Variants in GADL1 observed in about 807,000 individuals in gnomAD.
The protein encoded by GADL1 is GAD like acidic amino acid decarboxylase 1.
In GADL1, 71 loss-of-function variants were observed where a neutral mutation model predicts 69.5. The observed-to-expected ratio is 1.02, with a 90% CI of 0.84 to 1.25. The LOEUF (loss-of-function observed/expected upper bound fraction) is 1.25. Among genes scored for constraint, GADL1 ranks in the 50% most tolerant of loss-of-function variants. The probability of loss-of-function intolerance (pLI) is 0.00; values close to 1 mark genes in which losing one functional copy is unlikely to be tolerated. For missense variants in GADL1, 737 were observed against 631.8 expected, an observed-to-expected ratio of 1.17 and a Z score of -1.79; for synonymous variants, 254 against 214.4, an observed-to-expected ratio of 1.18 and a Z score of -1.62.
intron 11 of GADL1, among the ~76,000 whole-genome samples, chr3:30,808,950 C>T (rs1346320440): frequency 6.6e-6 from 1 of 152,156 alleles, no homozygotes; most frequent in Non-Finnish European, 1.5e-5. Flanking sequence ...TCTGTGTAAC[C>T]TCTGTTTTCC....
At chr3:30,833,356 G>T (rs918662683) in intron 11 of GADL1, among the ~76,000 whole-genome samples, 1 of 152,080 alleles carries the variant, frequency 6.6e-6, no homozygotes, top group Non-Finnish European at 1.5e-5. Flanking sequence ...CACTTGGGAT[G>T]AGCAATCCCC....
chr3:30,850,368 A>G (rs1698130906), intron 5 of GADL1, among the ~76,000 whole-genome samples: 1 of 152,080 alleles, frequency 6.6e-6, no homozygotes, highest in South Asian at 2.1e-4. Context: ...TTTCAAACCA[A>G]AAGTCTCAAT....
rs546368370 is a variant in GADL1, at chr3:30,838,057, T to C, written c.903+940A>G. 3.9e-5 allele frequency among the ~76,000 whole-genome samples: 6 copies of C among 152,228 alleles called. No individual in the cohort carries two copies. In the East Asian group the frequency reaches 9.7e-4, roughly 25 times the overall value. ...TAAACACTTTGAAAGCATAAAATCA[T>C]CTAAACTACAAAATTATGTGGGTAT... On this transcript the variant is annotated intron_variant, in intron 9 of 14. Transcript: ENST00000282538.
chr3:30,756,903 T>TG (rs1553635990), intron 14 of GADL1, among the ~76,000 whole-genome samples: 2 of 151,886 alleles, frequency 1.3e-5, no homozygotes, highest in East Asian at 3.9e-4. Flanking sequence ...TGGGGGTAGT[T>TG]TATGTAGCAA....
intron 11 of GADL1, among the ~76,000 whole-genome samples, chr3:30,821,016 T>C (rs954633689): frequency 6.6e-6 from 1 of 152,080 alleles, no homozygotes; most frequent in Non-Finnish European, 1.5e-5. Flanking sequence ...GTTCATGTCC[T>C]TTGTAGGGAC....
intron 11 of GADL1, among the ~76,000 whole-genome samples, chr3:30,820,083 A>G (rs1314333363): frequency 1.3e-5 from 2 of 151,976 alleles, no homozygotes; most frequent in Non-Finnish European, 2.9e-5. Context: ...GAATAGATCT[A>G]TATTATGTAC....
Position 30,858,481 on chromosome 3 carries a change from T to C in GADL1, c.211-1340A>G, listed in dbSNP as rs557975195. Among the ~76,000 whole-genome samples the C allele has an allele frequency of 5.1e-4, 77 of 152,100 alleles. No individual in the cohort carries two copies. In the South Asian group the frequency reaches 5.4e-3, roughly 11 times the overall value. On this transcript the variant is annotated intron_variant, in intron 2 of 14. Coordinates refer to ENST00000282538, the MANE Select transcript of GADL1 (RefSeq NM_207359.3). ...ATGACAGTCAATGCTGTATTAAATATGTAGTTTTTAGAGATATTTAAAATG... is the reference window on the plus strand; with the variant it reads ...ATGACAGTCAATGCTGTATTAAATACGTAGTTTTTAGAGATATTTAAAATG...
intron 14 of GADL1, among the ~76,000 whole-genome samples, chr3:30,765,663 C>A (rs1282885629): frequency 6.6e-6 from 1 of 152,122 alleles, no homozygotes; most frequent in Non-Finnish European, 1.5e-5. Flanking sequence ...AATTTTGAAA[C>A]AAGGAGCCCC....
intron 14 of GADL1, among the ~76,000 whole-genome samples, chr3:30,755,546 C>A (rs1178724785): frequency 1.3e-5 from 2 of 152,070 alleles, no homozygotes; most frequent in Non-Finnish European, 2.9e-5. Context: ...GGGCTATCTC[C>A]TTTGCAATAT....
intron 8 of GADL1, among the ~76,000 whole-genome samples, chr3:30,841,155 C>G (rs567638626): frequency 6.4e-4 from 97 of 152,242 alleles, no homozygotes; most frequent in Non-Finnish European, 1.0e-3. Flanking sequence ...CCTGAAGCTA[C>G]TGAGAAAAAA....
At chr3:30,742,234 C>G (rs939280985) in intron 14 of GADL1, among the ~76,000 whole-genome samples, 1 of 151,542 alleles carries the variant, frequency 6.6e-6, no homozygotes. Context: ...AATGCTCCTA[C>G]ATTTGGAGTG....
At chr3:30,800,765 A>C (rs999466293) in intron 12 of GADL1, 124 bp downstream of exon 12, 3 of 754,812 alleles carry the variant, frequency 4.0e-6, no homozygotes, top group Non-Finnish European at 6.5e-6. Context: ...ACACATTTCA[A>C]GTATTACTTT....
intron 11 of GADL1, among the ~76,000 whole-genome samples, chr3:30,824,166 T>A (rs968166465): frequency 6.6e-6 from 1 of 151,782 alleles, no homozygotes; most frequent in African/African-American, 2.4e-5. Flanking sequence ...AGTAGAAATA[T>A]TTTTAAAGCT....
intron 14 of GADL1, among the ~76,000 whole-genome samples, chr3:30,741,425 C>A (rs1469446197): frequency 3.3e-5 from 5 of 151,912 alleles, no homozygotes; most frequent in Non-Finnish European, 5.9e-5. Flanking sequence ...CTGCCTTTCC[C>A]CAGTGTGTAT....
chr3:30,801,092 C>A lies in GADL1; in HGVS notation c.1051-4G>T, dbSNP rs76278251. ...AGTAGCATTTTTTAAGAAGATCCTT[C>A]GAAAAAGAAAAGATTACAAGACTGT... is the stretch of plus-strand genomic sequence containing the variant. On this transcript the variant is annotated splice_region_variant and splice_polypyrimidine_tract_variant and intron_variant, in intron 11 of 14. Coordinates refer to ENST00000282538, the MANE Select transcript of GADL1 (RefSeq NM_207359.3). 1.9e-6 allele frequency: 3 copies of A among 1,581,786 alleles called. No homozygotes were observed. In the South Asian group the frequency reaches 3.3e-5, roughly 18 times the overall value.
intron 14 of GADL1, among the ~76,000 whole-genome samples, chr3:30,777,906 C>T (rs1199264614): frequency 6.6e-6 from 1 of 152,138 alleles, no homozygotes; most frequent in Non-Finnish European, 1.5e-5. Context: ...ACCTTGTGTC[C>T]CATGACCAGA....
intron 11 of GADL1, among the ~76,000 whole-genome samples, chr3:30,809,917 G>T (rs1461799432): frequency 6.6e-6 from 1 of 152,130 alleles, no homozygotes; most frequent in Non-Finnish European, 1.5e-5. Context: ...TTCAATTTAA[G>T]GAGCATGAGG....
At chr3:30,764,861 C>CT (rs1334311519) in intron 14 of GADL1, among the ~76,000 whole-genome samples, 1 of 152,164 alleles carries the variant, frequency 6.6e-6, no homozygotes, top group African/African-American at 2.4e-5. Context: ...TGCTGTGGCA[C>CT]TGCCAACATT....
At chr3:30,738,215 T>C (rs975942359) in intron 14 of GADL1, among the ~76,000 whole-genome samples, 2 of 152,190 alleles carry the variant, frequency 1.3e-5, no homozygotes, top group Non-Finnish European at 2.9e-5. Context: ...AATGCAGTTA[T>C]TCAGTAGCTC....
Sources: allele counts gnomAD v4.1 joint callset (sites outside exome capture counted in the v4.1 genomes callset), GRCh38; gene constraint gnomAD v4.1.1; transcripts MANE v1.5; gene names NCBI Gene and HGNC (gene_info 2026-07-23, HGNC 2026-07-21).